Variants in CEP83 observed in about 807,000 individuals in gnomAD.
CEP83 encodes the protein centrosomal protein of 83 kDa.
CEP83 carries 70 observed loss-of-function variants against 101.9 expected under a neutral mutation model. That is an observed-to-expected ratio of 0.69 (90% confidence interval 0.57 to 0.84). The LOEUF (loss-of-function observed/expected upper bound fraction) is 0.84. CEP83 is among the 40% of genes least tolerant of loss of function. The probability of loss-of-function intolerance (pLI) is 0.00; values close to 1 mark genes in which losing one functional copy is unlikely to be tolerated. For missense variants in CEP83, 715 were observed against 787.2 expected (o/e 0.91, Z 1.10); for synonymous variants, 264 against 267.9 (o/e 0.99, Z 0.14).
the CEP83 span, among the ~76,000 whole-genome samples, chr12:94,271,088 CTCTT>C: frequency 2.0e-5 from 3 of 152,172 alleles, no homozygotes; most frequent in Non-Finnish European, 2.9e-5. Context: ...TGTTTCTTCT[CTCTT>C]TAATTCAGGT....
intron 6 of CEP83, among the ~76,000 whole-genome samples, chr12:94,391,268 C>A (rs1355298750): frequency 6.6e-6 from 1 of 152,200 alleles, no homozygotes; most frequent in East Asian, 1.9e-4. Context: ...ATCAAACTAA[C>A]AGCGGATCTC....
chr12:94,430,951 A>C (rs1170634002), intron 2 of CEP83, among the ~76,000 whole-genome samples: 1 of 152,264 alleles, frequency 6.6e-6, no homozygotes, highest in Non-Finnish European at 1.5e-5. Context: ...AAAAGGGAGC[A>C]GGAGTAGGAG....
At chr12:94,415,692 A>AT (rs57777854) in intron 2 of CEP83, among the ~76,000 whole-genome samples, 86,136 of 151,844 alleles carry the variant, frequency 0.57, 24,470 homozygotes, top group Admixed American at 0.6. Context: ...GCCACTAAAT[A>AT]GTAAGGCAGA....
chr12:94,416,573 CAAAA>C (rs59339712), intron 2 of CEP83, among the ~76,000 whole-genome samples: 13,035 of 147,898 alleles, frequency 0.088, 626 homozygotes, highest in Middle Eastern at 0.13. Context: ...CACACACACA[CAAAA>C]AAAAAAAAAC....
chr12:94,442,151 C>T (rs999272449), intron 1 of CEP83, among the ~76,000 whole-genome samples: 1 of 151,924 alleles, frequency 6.6e-6, no homozygotes, highest in Non-Finnish European at 1.5e-5. Context: ...CAATACTACT[C>T]AGCCATAAAA....
At chr12:94,388,963 C>T (rs2062340193) in intron 6 of CEP83, among the ~76,000 whole-genome samples, 1 of 152,050 alleles carries the variant, frequency 6.6e-6, no homozygotes, top group Admixed American at 6.5e-5. Flanking sequence ...CCCACCTCTA[C>T]TAAAAATAGA....
At chr12:94,293,794 AT>A in the CEP83 span, among the ~76,000 whole-genome samples, 2 of 151,932 alleles carry the variant, frequency 1.3e-5, no homozygotes, top group African/African-American at 2.4e-5. Context: ...AATTAAAAAA[AT>A]TTTTTTTATA....
chr12:94,369,623 A>T (rs2061198299), intron 9 of CEP83: 1 of 203,472 alleles, frequency 4.9e-6, no homozygotes, highest in Non-Finnish European at 9.7e-6. Context: ...TGGGACTAAT[A>T]ACTACACCAT....
intron 14 of CEP83, among the ~76,000 whole-genome samples, chr12:94,314,717 A>C (rs1221550254): frequency 6.6e-6 from 1 of 152,166 alleles, no homozygotes; most frequent in Non-Finnish European, 1.5e-5. Flanking sequence ...ACATCTCAGA[A>C]GGCTTCCTTA....
At chr12:94,447,657 C>T (rs1295363723) in intron 1 of CEP83, among the ~76,000 whole-genome samples, 4 of 151,954 alleles carry the variant, frequency 2.6e-5, no homozygotes, top group African/African-American at 7.3e-5. Context: ...AGTACTGTGT[C>T]GCTGAGTTTG....
At chr12:94,299,072 G>A in the CEP83 span, among the ~76,000 whole-genome samples, 4 of 152,196 alleles carry the variant, frequency 2.6e-5, no homozygotes, top group South Asian at 4.1e-4. Context: ...AAGTTGACCA[G>A]TAAAGAATGA....
At chr12:94,297,120 G>C in the CEP83 span, 4 of 1,500,314 alleles carry the variant, frequency 2.7e-6, no homozygotes, top group Non-Finnish European at 2.8e-6. Flanking sequence ...CCTTTTAAGA[G>C]AAGGCCGATT....
At chr12:94,304,765 G>C (rs928753336), downstream of CEP83, among the ~76,000 whole-genome samples, 5 of 152,154 alleles carry the variant, frequency 3.3e-5, no homozygotes, top group African/African-American at 1.2e-4. Context: ...AGGGAAGCAC[G>C]AGGAGGGACT....
chr12:94,266,794 C>T, the CEP83 span, among the ~76,000 whole-genome samples: 7 of 152,348 alleles, frequency 4.6e-5, no homozygotes, highest in Admixed American at 2.0e-4. Flanking sequence ...ATAAAAAGCA[C>T]TTAGAACATT....
intron 6 of CEP83, among the ~76,000 whole-genome samples, chr12:94,390,071 G>C (rs903950810): frequency 6.6e-6 from 1 of 152,212 alleles, no homozygotes; most frequent in Non-Finnish European, 1.5e-5. Context: ...GACAACTTCC[G>C]CAAACTTAAA....
chr12:94,377,658 T>C (rs1389840301), intron 7 of CEP83, among the ~76,000 whole-genome samples: 2 of 152,232 alleles, frequency 1.3e-5, no homozygotes, highest in African/African-American at 4.8e-5. Flanking sequence ...AAATATAGGC[T>C]CTTCTGAAAA....
intron 1 of CEP83, among the ~76,000 whole-genome samples, chr12:94,443,172 A>G (rs577993674): frequency 6.6e-6 from 1 of 152,010 alleles, no homozygotes; most frequent in South Asian, 2.1e-4. Context: ...GCCCCACAGG[A>G]CCCCTTTGCT....
At chr12:94,450,297 G>C (rs1000755758) in intron 1 of CEP83, among the ~76,000 whole-genome samples, 1 of 152,148 alleles carries the variant, frequency 6.6e-6, no homozygotes, top group Non-Finnish European at 1.5e-5. Context: ...TGTCTTCTAG[G>C]CTGGAGTGCA....
Position 94,417,970 on chromosome 12 carries a change from TGACA to T in CEP83, c.-101-5383_-101-5380del, listed in dbSNP as rs200187969. ...ATGATAAAAATGCTTAAACAAACAA[TGACA>T]AACAAGCTTGAAATAAATGAAAAGA... On this transcript the variant is annotated intron_variant, in intron 2 of 16. Transcript: ENST00000397809. Among the ~76,000 whole-genome samples the T allele has an allele frequency of 1.3e-4, 19 of 151,964 alleles. No homozygotes were observed. In the East Asian group the frequency reaches 3.3e-3, roughly 26 times the overall value.
Sources: allele counts gnomAD v4.1 joint callset (sites outside exome capture counted in the v4.1 genomes callset), GRCh38; gene constraint gnomAD v4.1.1; transcripts MANE v1.5; gene names NCBI Gene and HGNC (gene_info 2026-07-23, HGNC 2026-07-21).